Variants in PRSS41 observed in about 807,000 individuals in gnomAD.
The protein encoded by PRSS41 is serine protease 41, also known as protease, serine 41.
PRSS41 carries 37 observed loss-of-function variants against 28.8 expected under a neutral mutation model. That is an observed-to-expected ratio of 1.29 (90% CI 0.99 to 1.69). The LOEUF (loss-of-function observed/expected upper bound fraction) is 1.69. PRSS41 is among the 40% of genes most tolerant of loss of function. The pLI is 0.00. For missense variants in PRSS41, 431 were observed against 400.7 expected (o/e 1.08, Z -0.65); for synonymous variants, 195 against 163.1 (o/e 1.20, Z -1.49).
In PRSS41 at chr16:2,802,842, G is replaced by A. The variant is rs111306830; in HGVS notation, c.542-1547G>A. On this transcript the variant is annotated intron_variant, in intron 4 of 5. Transcript: ENST00000399677. Reference sequence around the variant, plus strand: ...AGCAGTACAGTCCAGCTTCGGCTCCGCATGAGAGGGAGACCGTGGGGAGAG... The same window carrying A: ...AGCAGTACAGTCCAGCTTCGGCTCCACATGAGAGGGAGACCGTGGGGAGAG... Among the ~76,000 whole-genome samples the A allele has an allele frequency of 1.1e-3, 169 of 152,012 alleles. 1 individual carries two copies. The highest frequency in any genetic ancestry group is 3.8e-3 in the African/African-American group (157 of 41,322).
At chr16:2,802,361 G>A (rs2068994532) in intron 4 of PRSS41, among the ~76,000 whole-genome samples, 3 of 150,918 alleles carry the variant, frequency 2.0e-5, no homozygotes, top group African/African-American at 7.3e-5. Context: ...TCCTAGATGG[G>A]ATGGCGGCCG....
At chr16:2,799,032 G>C (rs2150797185) in exon 3 of PRSS41, 1 of 1,532,930 alleles carries the variant, frequency 6.5e-7, no homozygotes, top group East Asian at 2.4e-5. Context: ...GCTGGCCATG[G>C]CAGGCCAGCC....
At chr16:2,799,525 C>T (rs756263611) in exon 4 of PRSS41, 128 of 1,551,698 alleles carry the variant, frequency 8.2e-5, no homozygotes, top group Non-Finnish European at 1.0e-4. Context: ...GTGCACCGGC[C>T]GGACTGCTGG....
In PRSS41 at chr16:2,799,475, C is replaced by T. The variant is rs545819130; in HGVS notation, c.447C>T (p.Tyr149=). Residue 149 remains tyrosine, a synonymous_variant, in exon 4 of 6, where the codon TAC becomes TAT. Transcript: ENST00000399677. ...CCTCTTCTGTCACCTACAATGCGTA[C>T]ATCCAGCCCATTTGCATCGAGTCTT... 417 of 1,552,226 alleles carry T rather than the reference C, an allele frequency of 2.7e-4. 1 individual carries two copies. The South Asian group carries it at 4.7e-3, about 17-fold the overall frequency.
chr16:2,802,620 C>T (rs1284040364), intron 4 of PRSS41, among the ~76,000 whole-genome samples: 5 of 152,254 alleles, frequency 3.3e-5, no homozygotes, highest in Admixed American at 3.3e-4. Context: ...CAGACTCCGT[C>T]TGCAATCCCG....
chr16:2,803,953 A>G (rs2069004692), intron 4 of PRSS41, among the ~76,000 whole-genome samples: 1 of 152,048 alleles, frequency 6.6e-6, no homozygotes, highest in African/African-American at 2.4e-5. Context: ...CTTTGTGTTT[A>G]TCCTGTGGAA....
In PRSS41 at chr16:2,798,676, G is replaced by A. The variant is rs1005216106; in HGVS notation, c.91+14G>A. 4.8e-6 allele frequency: 7 copies of A among 1,457,720 alleles called. No individual in the cohort carries two copies. The Admixed American group carries it at 1.9e-4, about 39-fold the overall frequency. The allele number at this position is 1,457,720 out of a possible 1,614,324, so 90.3% of individuals were successfully genotyped here. ...AGCTGTTGTCAGGTAGGGCGCCCAG[G>A]ACGCGCGATGCCAGCCAGGGCGGCT... On this transcript the variant is annotated intron_variant, in intron 2 of 5. Transcript: ENST00000399677.
At chr16:2,805,200 C>A in exon 6 of PRSS41, 1 of 1,274,698 alleles carries the variant, frequency 7.8e-7, no homozygotes. Context: ...ATTGGCTCAC[C>A]TCCTCTGGGC....
In PRSS41 at chr16:2,801,088, C is replaced by T. The variant is rs576260608; in HGVS notation, c.541+1519C>T. On this transcript the variant is annotated intron_variant, in intron 4 of 5. Transcript: ENST00000399677. ...TCCTGACCTCAGGTGAACTACCCAC[C>T]TCGGCCTCCCAAAGTTCGGGGATTA... Among the ~76,000 whole-genome samples, 177 of 152,308 alleles carry T rather than the reference C, an allele frequency of 1.2e-3. 2 individuals are homozygous for T. Among genetic ancestry groups the T allele is most frequent in the South Asian group, 0.01 (50 of 4,822 alleles).
chr16:2,801,942 C>T lies in PRSS41; in HGVS notation c.541+2373C>T, dbSNP rs1371147435. Among the ~76,000 whole-genome samples, 13 of 150,844 alleles carry T rather than the reference C, an allele frequency of 8.6e-5. No individual in the cohort carries two copies. The South Asian group carries it at 2.1e-3, about 24-fold the overall frequency. ...CCGGGCAGAGGCGCCCCTCACCTCC[C>T]GGACGGGGCGGCTGGCCGGGCGGGG... On this transcript the variant is annotated intron_variant, in intron 4 of 5. Transcript: ENST00000399677.
chr16:2,799,066 T>C (rs1189612299), exon 3 of PRSS41: 4 of 1,533,910 alleles, frequency 2.6e-6, no homozygotes, highest in Non-Finnish European at 2.6e-6. Flanking sequence ...ACGCCACCGA[T>C]GTGGAGGGAG....
exon 6 of PRSS41, chr16:2,805,072 T>C (rs2069012972): frequency 6.4e-7 from 1 of 1,552,026 alleles, no homozygotes; most frequent in Admixed American, 2.0e-5. Context: ...TGTCCCACAG[T>C]ACACCCAGGC....
chr16:2,799,655 C>A, intron 4 of PRSS41, 86 bp downstream of exon 4: 1 of 1,389,408 alleles, frequency 7.2e-7, no homozygotes, highest in Non-Finnish European at 9.8e-7. Context: ...ACAAGCACAG[C>A]AGCCCCCTCC....
At chr16:2,800,492 G>A (rs1040389295) in intron 4 of PRSS41, among the ~76,000 whole-genome samples, 1 of 146,792 alleles carries the variant, frequency 6.8e-6, no homozygotes, top group East Asian at 2.0e-4. Context: ...TCAGCGAGCC[G>A]AGATGGCACC....
At position 2,799,104 on chromosome 16, in the gene PRSS41, G is replaced by C. The variant is rs761311345; in HGVS notation, c.237G>C (p.Ser79=). ...TGCTCAGCCGCCGCTGGGTGCTCTC[G>C]GCTGCGCACTGCTTCCAAAAGTGAG... The change falls in exon 3 of 6, where the codon TCG becomes TCC. Residue 79 remains serine (S), a synonymous_variant. Transcript: ENST00000399677. 2.6e-6 allele frequency: 4 copies of C among 1,526,628 alleles called. No homozygotes were observed. In the South Asian group the frequency reaches 4.8e-5, roughly 18 times the overall value. The allele number at this position is 1,526,628 out of a possible 1,614,324, so 94.6% of individuals were successfully genotyped here. A position where few individuals can be genotyped will look rare whatever the true frequency, so the allele number is the denominator to read the frequency against.
chr16:2,801,513 T>G (rs1056228298), intron 4 of PRSS41, among the ~76,000 whole-genome samples: 18 of 151,674 alleles, frequency 1.2e-4, no homozygotes, highest in African/African-American at 4.1e-4. Flanking sequence ...GTGTCCCTGA[T>G]TACTTGAGAT....
chr16:2,801,526 G>A (rs1344456032), intron 4 of PRSS41, among the ~76,000 whole-genome samples: 3 of 151,422 alleles, frequency 2.0e-5, no homozygotes, highest in Non-Finnish European at 4.4e-5. Flanking sequence ...CTTGAGATTA[G>A]GGATTGGTAA....
At chr16:2,800,787 C>G (rs760974316) in intron 4 of PRSS41, among the ~76,000 whole-genome samples, 32 of 152,270 alleles carry the variant, frequency 2.1e-4, no homozygotes, top group Non-Finnish European at 4.4e-4. Flanking sequence ...TTACTGTAAA[C>G]TTTTTACTTT....
At chr16:2,799,365 A>G (rs1476303032) in exon 4 of PRSS41, 6 of 1,551,774 alleles carry the variant, frequency 3.9e-6, no homozygotes, top group Non-Finnish European at 5.2e-6. Flanking sequence ...GCGGGCCTAC[A>G]GCAGTCGTTA....
Sources: allele counts gnomAD v4.1 joint callset (sites outside exome capture counted in the v4.1 genomes callset), GRCh38; gene constraint gnomAD v4.1.1; transcripts MANE v1.5; gene names NCBI Gene and HGNC (gene_info 2026-07-23, HGNC 2026-07-21).